The following LINGO2 variants were observed in gnomAD, a reference collection of about 807,000 sequenced individuals.
LINGO2 encodes the protein leucine rich repeat and Ig domain containing 2.
In LINGO2, 14 loss-of-function variants were observed where a neutral mutation model predicts 30.6. That is an observed-to-expected ratio of 0.46 (90% CI 0.30 to 0.72). The LOEUF (loss-of-function observed/expected upper bound fraction) is 0.72, where lower values mean the gene tolerates loss of function less well. Among genes scored for constraint, LINGO2 ranks in the 30% least tolerant of loss-of-function variants. The pLI is 0.07. For synonymous variants in LINGO2, 317 were observed against 288.5 expected, an observed-to-expected ratio of 1.10 and a Z score of -1.00; for missense variants, 729 against 751.7, an observed-to-expected ratio of 0.97 and a Z score of 0.35.
At chr9:28,033,468 A>C (rs1823780873) in intron 4 of LINGO2, among the ~76,000 whole-genome samples, 1 of 152,140 alleles carries the variant, frequency 6.6e-6, no homozygotes, top group Non-Finnish European at 1.5e-5. Context: ...GAGAACCATC[A>C]ACAGCTTTAG....
chr9:28,023,945 A>T (rs1324591099), intron 4 of LINGO2, among the ~76,000 whole-genome samples: 1 of 152,152 alleles, frequency 6.6e-6, no homozygotes, highest in African/African-American at 2.4e-5. Context: ...TTCCAGTAGC[A>T]TCTGTCCAGG....
intron 1 of LINGO2, among the ~76,000 whole-genome samples, chr9:28,501,810 G>A (rs926284955): frequency 6.6e-6 from 1 of 151,932 alleles, no homozygotes; most frequent in Non-Finnish European, 1.5e-5. Context: ...TTTTTCCATC[G>A]ATTTACAATG....
At chr9:28,250,006 C>A (rs1587324476) in intron 4 of LINGO2, among the ~76,000 whole-genome samples, 1 of 152,088 alleles carries the variant, frequency 6.6e-6, no homozygotes, top group Admixed American at 6.6e-5. Flanking sequence ...CACTCTGGTA[C>A]TCATTCTCAG....
chr9:28,960,030 G>C, the LINGO2 span, among the ~76,000 whole-genome samples: 1 of 152,116 alleles, frequency 6.6e-6, no homozygotes, highest in Non-Finnish European at 1.5e-5. Flanking sequence ...TTCAGCATAA[G>C]TGAGTTAGGT....
chr9:28,506,455 CATACACAT>C (rs1217920046), intron 1 of LINGO2, among the ~76,000 whole-genome samples: 34 of 90,432 alleles, frequency 3.8e-4, no homozygotes, highest in Admixed American at 1.1e-3. Context: ...CACACACACA[CATACACAT>C]ACACACACAC....
Position 28,544,886 on chromosome 9 carries a change from C to T in LINGO2, c.-364-68861G>A, listed in dbSNP as rs146447487. Among the ~76,000 whole-genome samples, 12 of 151,072 alleles carry T rather than the reference C, an allele frequency of 7.9e-5. No individual in the cohort carries two copies. The East Asian group carries it at 9.7e-4, about 12-fold the overall frequency. ...TGTTTTTGAATTGGGGGAACTTAAA[C>T]GGTCATCTAATCTCAATCCTTTTAA... On this transcript the variant is annotated intron_variant, in intron 1 of 5. Coordinates refer to ENST00000379992, the Ensembl canonical transcript of LINGO2.
At chr9:28,867,513 C>A in the LINGO2 span, among the ~76,000 whole-genome samples, 4 of 151,594 alleles carry the variant, frequency 2.6e-5, no homozygotes, top group Admixed American at 1.3e-4. Context: ...CAAACTCTTA[C>A]CCCTACTGCA....
intron 3 of LINGO2, among the ~76,000 whole-genome samples, chr9:28,296,770 T>A (rs773067143): frequency 6.6e-6 from 1 of 152,190 alleles, no homozygotes; most frequent in Non-Finnish European, 1.5e-5. Context: ...TGCTATTAGA[T>A]ACCCATAAAT....
intron 4 of LINGO2, among the ~76,000 whole-genome samples, chr9:28,199,476 C>G (rs1820147562): frequency 6.6e-6 from 1 of 151,896 alleles, no homozygotes; most frequent in South Asian, 2.1e-4. Context: ...GTAGCTGGGA[C>G]TACAGGCGCC....
At chr9:29,127,355 G>C in the LINGO2 span, among the ~76,000 whole-genome samples, 1 of 152,142 alleles carries the variant, frequency 6.6e-6, no homozygotes, top group Non-Finnish European at 1.5e-5. Flanking sequence ...ATTTTGGTGA[G>C]TGAGCCAGGA....
At chr9:28,032,046 G>A (rs1823704325) in intron 4 of LINGO2, among the ~76,000 whole-genome samples, 1 of 151,592 alleles carries the variant, frequency 6.6e-6, no homozygotes, top group Admixed American at 6.6e-5. Context: ...AGGGGTGGGG[G>A]GGGAAAGCCT....
At chr9:28,311,492 AC>A (rs1361173469) in intron 3 of LINGO2, among the ~76,000 whole-genome samples, 1 of 151,890 alleles carries the variant, frequency 6.6e-6, no homozygotes, top group Non-Finnish European at 1.5e-5. Flanking sequence ...AAAGATGGCC[AC>A]CCCCAAAGCA....
intron 4 of LINGO2, among the ~76,000 whole-genome samples, chr9:28,076,616 T>C (rs1162935433): frequency 6.6e-6 from 1 of 152,160 alleles, no homozygotes; most frequent in Non-Finnish European, 1.5e-5. Context: ...ATGTCAATTA[T>C]TTACTTCTGA....
Position 27,950,002 on chromosome 9 carries a change from A to G in LINGO2, c.670T>C (p.Leu224=), listed in dbSNP as rs1426173044. The G allele has an allele frequency of 4.3e-6, 7 of 1,613,972 alleles. No homozygotes were observed. The African/African-American group carries it at 6.7e-5, about 15-fold the overall frequency. ...ATCTCTAGGTGTTTCAGGTGGAACA[A>G]TCTTTTAAAGGCATACACAGGCATA... Residue 224 remains leucine (L), a synonymous_variant, in exon 6 of 6, where the codon TTG becomes CTG. Coordinates refer to ENST00000379992, the Ensembl canonical transcript of LINGO2.
At chr9:29,207,035 G>A in the LINGO2 span, among the ~76,000 whole-genome samples, 1 of 151,692 alleles carries the variant, frequency 6.6e-6, no homozygotes, top group Non-Finnish European at 1.5e-5. Flanking sequence ...GTGTGTGTAT[G>A]TGTACATATA....
At chr9:28,295,487 A>G (rs1210293251) in intron 3 of LINGO2, 121 bp from the exon 6 acceptor site, 2 of 152,580 alleles carry the variant, frequency 1.3e-5, no homozygotes, top group Non-Finnish European at 2.9e-5. Context: ...GGGACTATAA[A>G]TGCTTCTCAA....
the LINGO2 span, among the ~76,000 whole-genome samples, chr9:29,097,275 T>A: frequency 7.3e-6 from 1 of 137,904 alleles, no homozygotes; most frequent in Admixed American, 7.4e-5. Flanking sequence ...GTAAATAGTA[T>A]GCTATTTCAG....
At chr9:28,253,919 C>T (rs370853131) in intron 4 of LINGO2, among the ~76,000 whole-genome samples, 3 of 152,250 alleles carry the variant, frequency 2.0e-5, no homozygotes, top group African/African-American at 7.2e-5. Flanking sequence ...GAGCCTGGCC[C>T]TTCCTCTTCC....
chr9:28,890,513 G>A, the LINGO2 span, among the ~76,000 whole-genome samples: 3 of 152,024 alleles, frequency 2.0e-5, no homozygotes, highest in African/African-American at 7.2e-5. Context: ...AGGTTTATGT[G>A]GTTGAGTGTA....
Sources: allele counts gnomAD v4.1 joint callset (sites outside exome capture counted in the v4.1 genomes callset), GRCh38; gene constraint gnomAD v4.1.1; transcripts MANE v1.5; gene names NCBI Gene and HGNC (gene_info 2026-07-23, HGNC 2026-07-21).